Variants in DNASE1 observed in about 807,000 individuals in gnomAD.
The protein encoded by DNASE1 is deoxyribonuclease 1.
In DNASE1, 40 loss-of-function variants were observed where a neutral mutation model predicts 33.9. The ratio of observed to expected loss-of-function variants is 1.18; its 90% CI spans 0.92 to 1.54. The LOEUF (loss-of-function observed/expected upper bound fraction) is 1.54. DNASE1 is among the 40% of genes most tolerant of loss of function. DNASE1 has a pLI of 0.00. For synonymous variants in DNASE1, 216 were observed against 160.0 expected, an observed-to-expected ratio of 1.35 and a Z score of -2.64; for missense variants, 518 against 372.6, an observed-to-expected ratio of 1.39 and a Z score of -3.21.
intron 1 of DNASE1, among the ~76,000 whole-genome samples, chr16:3,635,658 T>A (rs1288827540): frequency 3.0e-4 from 45 of 151,890 alleles, no homozygotes; most frequent in Non-Finnish European, 4.4e-5. Flanking sequence ...AGAAAGTCTC[T>A]TCTCTTTTGA....
chr16:3,649,995 T>A (rs547266079), upstream of DNASE1, among the ~76,000 whole-genome samples: 19 of 152,304 alleles, frequency 1.2e-4, no homozygotes, highest in South Asian at 3.9e-3. Context: ...TTTCAAGTCA[T>A]CCTTAAATAA....
chr16:3,616,852 G>A (rs1379399777), intron 1 of DNASE1, among the ~76,000 whole-genome samples: 1 of 152,124 alleles, frequency 6.6e-6, no homozygotes, highest in African/African-American at 2.4e-5. Flanking sequence ...TTATATTTAT[G>A]AGCAATTGAT....
chr16:3,661,226 C>T (rs904745472), downstream of DNASE1: 5 of 152,112 alleles, frequency 3.3e-5, no homozygotes, highest in Non-Finnish European at 7.4e-5. Context: ...CTAAATAGAT[C>T]ACATTCATGG....
At chr16:3,625,956 C>T (rs899862566) in intron 1 of DNASE1, among the ~76,000 whole-genome samples, 5 of 151,994 alleles carry the variant, frequency 3.3e-5, no homozygotes, top group East Asian at 3.9e-4. Context: ...AAAAATTAGC[C>T]GGGTGTCAGG....
At chr16:3,659,948 AACTCCT>A (rs2042976196), downstream of DNASE1, 1 of 152,078 alleles carries the variant, frequency 6.6e-6, no homozygotes, top group Non-Finnish European at 1.5e-5. Context: ...TGAGGTCTCG[AACTCCT>A]GACCTCAAGT....
At position 3,657,926 on chromosome 16, in the gene DNASE1, C is replaced by T; in HGVS notation, c.822C>T (p.His274=). The part of the protein sequence containing the change: ...SDQLAQAISD[H]YPVEVMLK ...TGCAGGCCCAAGCCATCAGTGACCACTATCCAGTGGAGGTGATGCTGAAGT... is the reference window on the plus strand; with the variant it reads ...TGCAGGCCCAAGCCATCAGTGACCATTATCCAGTGGAGGTGATGCTGAAGT... The change falls in exon 9 of 9, where the codon CAC becomes CAT. Residue 274 remains histidine, a synonymous_variant. Coordinates refer to ENST00000246949, the MANE Select transcript of DNASE1 (RefSeq NM_005223.4). The T allele has an allele frequency of 1.9e-6, 3 of 1,613,218 alleles. No individual in the cohort carries two copies. The highest frequency in any genetic ancestry group is 2.5e-6 in the Non-Finnish European group (3 of 1,179,186).
chr16:3,639,638 G>A (rs570461822), upstream of DNASE1, among the ~76,000 whole-genome samples: 167 of 152,350 alleles, frequency 1.1e-3, no homozygotes, highest in Non-Finnish European at 2.0e-3. Context: ...TCAACTCCCT[G>A]TAAATAGTTA....
At chr16:3,614,113 C>T (rs2041014711) in intron 1 of DNASE1, among the ~76,000 whole-genome samples, 1 of 152,050 alleles carries the variant, frequency 6.6e-6, no homozygotes. Context: ...GGGGTTTCAC[C>T]ATATTAGCCA....
At chr16:3,664,836 C>T (rs1045696512) in exon 10 of DNASE1, 7 of 205,234 alleles carry the variant, frequency 3.4e-5, no homozygotes, top group Admixed American at 6.2e-5. Flanking sequence ...GTGAAGTCCA[C>T]GGTTCCCGGC....
downstream of DNASE1, chr16:3,661,232 C>T (rs1385447884): frequency 6.6e-6 from 1 of 152,104 alleles, no homozygotes; most frequent in Admixed American, 6.5e-5. Context: ...AGATCACATT[C>T]ATGGGTGCAA....
At chr16:3,661,345 C>A (rs1035132226), downstream of DNASE1, 1 of 151,740 alleles carries the variant, frequency 6.6e-6, no homozygotes, top group South Asian at 2.1e-4. Context: ...CAGGAAGAAA[C>A]GAGGGAAATC....
chr16:3,641,115 G>C (rs1028104237), upstream of DNASE1: 18 of 396,612 alleles, frequency 4.5e-5, no homozygotes, highest in Non-Finnish European at 6.2e-5. Flanking sequence ...GCTGTGGCAG[G>C]GTGGCTAGTG....
chr16:3,658,926 A>T (rs772957315), downstream of DNASE1: 53 of 1,549,076 alleles, frequency 3.4e-5, no homozygotes, highest in Non-Finnish European at 4.4e-5. Context: ...CCCTCCCTTC[A>T]TGTTTTGGGA....
chr16:3,662,852 A>C (rs34157278), downstream of DNASE1: 8 of 1,610,626 alleles, frequency 5.0e-6, no homozygotes, highest in Non-Finnish European at 6.8e-6. Context: ...ACTGCGGCCA[A>C]GTGGTGGTCC....
upstream of DNASE1, among the ~76,000 whole-genome samples, chr16:3,639,132 GTTATCAGT>G (rs1345814829): frequency 8.5e-5 from 13 of 152,194 alleles, no homozygotes; most frequent in African/African-American, 2.4e-5. Flanking sequence ...TGTTATAGCA[GTTATCAGT>G]TTATTGCGTC....
intron 1 of DNASE1, among the ~76,000 whole-genome samples, chr16:3,614,061 C>G (rs886279196): frequency 6.6e-6 from 1 of 151,944 alleles, no homozygotes; most frequent in Admixed American, 6.6e-5. Context: ...TACAGGCGCC[C>G]GCCACCACAC....
intron 1 of DNASE1, among the ~76,000 whole-genome samples, chr16:3,617,274 C>G (rs977542440): frequency 1.5e-5 from 2 of 135,204 alleles, no homozygotes; most frequent in African/African-American, 5.8e-5. Context: ...TGCGGTGAGC[C>G]GAGATCGCAC....
intron 1 of DNASE1, among the ~76,000 whole-genome samples, chr16:3,615,476 G>C (rs143100303): frequency 2.0e-5 from 3 of 152,266 alleles, no homozygotes; most frequent in Non-Finnish European, 4.4e-5. Flanking sequence ...TTCAGAAACA[G>C]TGTTACTAGA....
At chr16:3,662,912 A>G (rs1465946444), downstream of DNASE1, 5 of 1,613,264 alleles carry the variant, frequency 3.1e-6, no homozygotes, top group East Asian at 6.7e-5. Flanking sequence ...ACCCCAGCAC[A>G]TTTCTCATCC....
Sources: gnomAD v4.1 joint callset for allele counts (sites outside exome capture counted in the v4.1 genomes callset) on GRCh38, gnomAD v4.1.1 for gene constraint, MANE v1.5 for transcripts, NCBI Gene and HGNC (gene_info 2026-07-23, HGNC 2026-07-21) for gene names.